The following CACNA1B variants were observed in gnomAD, a reference collection of about 807,000 sequenced individuals.
The protein encoded by CACNA1B is calcium voltage-gated channel subunit alpha1 B.
CACNA1B carries 70 observed loss-of-function variants against 247.2 expected under a neutral mutation model. That is an observed-to-expected ratio of 0.28 (90% CI 0.23 to 0.35). CACNA1B has a LOEUF of 0.35. Ranked by LOEUF, CACNA1B falls within the 10% of genes least tolerant of loss-of-function variation. The probability of loss-of-function intolerance (pLI) is 1.00; values close to 1 mark genes in which losing one functional copy is unlikely to be tolerated. For missense variants in CACNA1B, 2,367 were observed against 3,197.4 expected (o/e 0.74, Z 6.26); for synonymous variants, 1,231 against 1,294.4 (o/e 0.95, Z 1.05).
chr9:137,891,547 G>A lies in CACNA1B; in HGVS notation c.530+8664G>A, dbSNP rs577487445. On this transcript the variant is annotated intron_variant, in intron 3 of 46. Coordinates refer to ENST00000371372, the MANE Select transcript of CACNA1B (RefSeq NM_000718.4). This position sits in a 1 kb window ranked among gnomAD's most constrained non-coding sequence, Gnocchi z 4.3. ...TGCAGATGCACCCACAGAGGTCACA[G>A]GGGTTCAAGTTCATACCCCGGGAGG... 1.1e-5 allele frequency: 2 copies of A among 184,224 alleles called. No individual in the cohort carries two copies. Among genetic ancestry groups the A allele is most frequent in the South Asian group, 2.5e-4 (2 of 7,870 alleles). 11.4% of individuals were successfully genotyped at this position (184,224 alleles called of 1,614,324 possible).
At chr9:138,092,575 TACAGATAACGCAATCATC>T (rs1298920834) in intron 36 of CACNA1B, among the ~76,000 whole-genome samples, 1 of 152,200 alleles carries the variant, frequency 6.6e-6, no homozygotes, top group Non-Finnish European at 1.5e-5. Context: ...TAACAATTTG[TACAGATAACGCAATCATC>T]ACAGGGTCCT....
chr9:138,037,115 G>T (rs985367640), intron 20 of CACNA1B, among the ~76,000 whole-genome samples: 5 of 152,190 alleles, frequency 3.3e-5, no homozygotes, highest in African/African-American at 1.2e-4. Flanking sequence ...CATATGGTTT[G>T]TCCCGTAGAA....
rs1959595617 is a variant in CACNA1B at position 138,058,476 on chromosome 9, C to T, written c.4309-93C>T. The stretch of plus-strand genomic sequence containing the variant: ...ATTTGTCTTCTGTTGTCAGGGCTCC[C>T]TGTGAGGCCTGGCGAGACAGGGCTG... On this transcript the variant is annotated intron_variant, in intron 28 of 46. Transcript: ENST00000371372. This position sits in a 1 kb window ranked among gnomAD's most constrained non-coding sequence, Gnocchi z 4.7. The T allele has an allele frequency of 8.2e-7, 1 of 1,214,214 alleles. No individual in the cohort carries two copies. Among genetic ancestry groups the T allele is most frequent in the South Asian group, 1.4e-5 (1 of 69,006 alleles). 75.2% of individuals were successfully genotyped at this position (1,214,214 alleles called of 1,614,324 possible). A position where few individuals can be genotyped will look rare whatever the true frequency, so the allele number is the denominator to read the frequency against.
intron 3 of CACNA1B, among the ~76,000 whole-genome samples, chr9:137,897,678 G>T (rs143842857): frequency 6.6e-6 from 1 of 152,036 alleles, no homozygotes; most frequent in South Asian, 2.1e-4. Flanking sequence ...ATTCAATTCC[G>T]TGTATTTTAT....
At position 138,058,385 on chromosome 9, in the gene CACNA1B, T is replaced by G. The variant is rs1959591984; in HGVS notation, c.4308+135T>G. The G allele has an allele frequency of 1.0e-6, 1 of 962,256 alleles. No homozygotes were observed. Among genetic ancestry groups the G allele is most frequent in the African/African-American group, 1.6e-5 (1 of 62,026 alleles). 59.6% of individuals were successfully genotyped at this position (962,256 alleles called of 1,614,324 possible). On this transcript the variant is annotated intron_variant, in intron 28 of 46. Transcript: ENST00000371372. This position sits in a 1 kb window ranked among gnomAD's most constrained non-coding sequence, Gnocchi z 4.7. ...CTGCCAACACAGGGGCAGGTCCTCC[T>G]TTCTCCTGCAGAGGGACCGGATTTG...
At chr9:138,004,751 A>G (rs1958626215) in intron 15 of CACNA1B, among the ~76,000 whole-genome samples, 2 of 152,196 alleles carry the variant, frequency 1.3e-5, no homozygotes, top group Non-Finnish European at 2.9e-5. Context: ...AGGGACTACT[A>G]TCCACAATAT....
chr9:137,929,450 G>A (rs1957585962), intron 6 of CACNA1B, among the ~76,000 whole-genome samples: 1 of 152,152 alleles, frequency 6.6e-6, no homozygotes, highest in Non-Finnish European at 1.5e-5. Flanking sequence ...AGCTACTCGG[G>A]AGACTGAGGT....
chr9:137,945,818 C>G (rs1957789359), intron 6 of CACNA1B, among the ~76,000 whole-genome samples: 1 of 152,072 alleles, frequency 6.6e-6, no homozygotes, highest in South Asian at 2.1e-4. Context: ...CCTAAACATC[C>G]CTATTTTATT....
At chr9:137,933,134 G>T (rs1347842474) in intron 6 of CACNA1B, among the ~76,000 whole-genome samples, 2 of 152,008 alleles carry the variant, frequency 1.3e-5, no homozygotes, top group East Asian at 3.9e-4. Context: ...GGGTTTCACT[G>T]TGTTAGCCAG....
rs745560381 is a variant in CACNA1B at position 137,882,257 on chromosome 9, G to T, written c.391-487G>T. ...GCTGTGGCCTCTGCCTGGCTCCTGGGCATCTCTGTGCCTCTGTCTCCCACA... is the reference window on the plus strand; with the variant it reads ...GCTGTGGCCTCTGCCTGGCTCCTGGTCATCTCTGTGCCTCTGTCTCCCACA... On this transcript the variant is annotated intron_variant, in intron 2 of 46. Transcript: ENST00000371372. This position sits in a 1 kb window ranked among gnomAD's most constrained non-coding sequence, Gnocchi z 4.0. Among the ~76,000 whole-genome samples, 2 of 152,194 alleles carry T rather than the reference G, an allele frequency of 1.3e-5. No homozygotes were observed. The highest frequency in any genetic ancestry group is 2.9e-5 in the Non-Finnish European group (2 of 68,022).
intron 3 of CACNA1B, among the ~76,000 whole-genome samples, chr9:137,884,631 G>T (rs1956977523): frequency 6.6e-6 from 1 of 150,434 alleles, no homozygotes; most frequent in Non-Finnish European, 1.5e-5. Flanking sequence ...ACCCAGGAGG[G>T]GCAGTGTGCC....
chr9:137,949,204 C>T, intron 6 of CACNA1B, among the ~76,000 whole-genome samples: 1 of 17,210 alleles, frequency 5.8e-5, no homozygotes, highest in Non-Finnish European at 1.2e-4. Context: ...GTATGTGTGT[C>T]TGGTATGTGT....
rs187173662 is a variant in CACNA1B at position 138,052,374 on chromosome 9, C to T, written c.3807+186C>T. On this transcript the variant is annotated intron_variant, in intron 25 of 46. Transcript: ENST00000371372. The surrounding 1 kb of genome is among the most constrained non-coding windows in gnomAD (Gnocchi z 5.1). ...CCCAAGTAGACCTTGTTCCCAGCAG[C>T]CTCCTGTGAGAATCCTCCTCCTTAG... is the stretch of plus-strand genomic sequence containing the variant. 4.6e-5 allele frequency among the ~76,000 whole-genome samples: 7 copies of T among 152,282 alleles called. No individual in the cohort carries two copies. The East Asian group carries it at 1.4e-3, about 29-fold the overall frequency.
rs115121905 is a variant in CACNA1B at position 137,901,274 on chromosome 9, G to T, written c.531-11906G>T. On this transcript the variant is annotated intron_variant, in intron 3 of 46. Coordinates refer to ENST00000371372, the MANE Select transcript of CACNA1B (RefSeq NM_000718.4). The stretch of plus-strand genomic sequence containing the variant: ...TCTGTGTTCCTGTGTCTGTGTCTCT[G>T]TGTCTGTGTGTCCGTGTCTGTGCCA... Among the ~76,000 whole-genome samples, 1,365 of 151,088 alleles carry T rather than the reference G, an allele frequency of 9.0e-3. 23 individuals carry two copies. Among genetic ancestry groups the T allele is most frequent in the African/African-American group, 0.031 (1,281 of 41,112 alleles).
chr9:138,106,577 G>A (rs1247616225), intron 39 of CACNA1B, among the ~76,000 whole-genome samples: 1 of 152,164 alleles, frequency 6.6e-6, no homozygotes, highest in Non-Finnish European at 1.5e-5. Flanking sequence ...ACACCATCCT[G>A]GCCAACATGG....
Position 137,923,245 on chromosome 9 carries a change from AGGT to A in CACNA1B, c.966+5818_966+5820del, listed in dbSNP as rs1171890821. Reference sequence around the variant, plus strand: ...GTGCCAGGTGGTATTCCATGGTGCCAGGTGGTATTCCGTGGTGCCAGGTGGTAT... The same window carrying A: ...GTGCCAGGTGGTATTCCATGGTGCCAGGTATTCCGTGGTGCCAGGTGGTAT... On this transcript the variant is annotated intron_variant, in intron 6 of 46. Transcript: ENST00000371372. Among the ~76,000 whole-genome samples, 607 of 149,612 alleles carry A rather than the reference AGGT, an allele frequency of 4.1e-3. 15 individuals are homozygous for A. The highest frequency in any genetic ancestry group is 0.015 in the African/African-American group (586 of 40,062).
At chr9:137,902,618 C>A (rs1224432852) in intron 3 of CACNA1B, among the ~76,000 whole-genome samples, 7 of 152,146 alleles carry the variant, frequency 4.6e-5, no homozygotes, top group Non-Finnish European at 1.0e-4. Flanking sequence ...CAAAAAGTAA[C>A]TGATTTTCTT....
chr9:137,897,881 G>A (rs576734336), intron 3 of CACNA1B, among the ~76,000 whole-genome samples: 2 of 151,914 alleles, frequency 1.3e-5, no homozygotes, highest in Middle Eastern at 3.4e-3. Context: ...GGTTTCAAAT[G>A]AAATTTTATT....
chr9:138,068,994 C>T (rs1330231340), intron 31 of CACNA1B, among the ~76,000 whole-genome samples: 1 of 152,152 alleles, frequency 6.6e-6, no homozygotes, highest in Non-Finnish European at 1.5e-5. Context: ...AGCAAGCCCT[C>T]CTTGGCAGCC....
Sources: allele counts gnomAD v4.1 joint callset (sites outside exome capture counted in the v4.1 genomes callset), GRCh38; gene constraint gnomAD v4.1.1; non-coding constraint Gnocchi (gnomAD v3.1); transcripts MANE v1.5; gene names NCBI Gene and HGNC (gene_info 2026-07-23, HGNC 2026-07-21).